ANKMY1: variants seen among roughly 807,000 people sequenced by gnomAD.
ANKMY1 encodes the protein ankyrin repeat and MYND domain containing 1.
Under a neutral mutation model 102.0 loss-of-function variants are expected in ANKMY1, and 98 were observed. The ratio of observed to expected loss-of-function variants is 0.96; its 90% confidence interval spans 0.82 to 1.14. The LOEUF is 1.14. Ranked by LOEUF, ANKMY1 falls within the 50% of genes most tolerant of loss-of-function variation. ANKMY1 has a pLI of 0.00. For synonymous variants in ANKMY1, 582 were observed against 559.9 expected (o/e 1.04, Z -0.56); for missense variants, 1,330 against 1,347.6 (o/e 0.99, Z 0.20).
At chr2:240,515,024 A>G (rs2152264679) in intron 9 of ANKMY1, among the ~76,000 whole-genome samples, 1 of 152,386 alleles carries the variant, frequency 6.6e-6, no homozygotes, top group East Asian at 1.9e-4. Context: ...TGTGAGACAC[A>G]GGGCCAGAAA....
chr2:240,530,222 G>C (rs1012004788), intron 4 of ANKMY1, among the ~76,000 whole-genome samples: 2 of 152,214 alleles, frequency 1.3e-5, no homozygotes, highest in Non-Finnish European at 2.9e-5. Flanking sequence ...AGCACAGTCA[G>C]GGGCCTGCTG....
Position 240,520,153 on chromosome 2 carries a change from G to T in ANKMY1, c.2004+209C>A. 1.2e-6 allele frequency: 1 copy of T among 814,204 alleles called. No homozygotes were observed. Among genetic ancestry groups the T allele is most frequent in the Non-Finnish European group, 2.1e-6 (1 of 475,658 alleles). 50.4% of individuals were successfully genotyped at this position (814,204 alleles called of 1,614,324 possible). A position where few individuals can be genotyped will look rare whatever the true frequency, so the allele number is the denominator to read the frequency against. Reference sequence around the variant, plus strand: ...GGATCGTGAAGTACTCTAAAAACTAGCTCGGTGTCCAAATCCTGTCTGGGG... The same window carrying T: ...GGATCGTGAAGTACTCTAAAAACTATCTCGGTGTCCAAATCCTGTCTGGGG... On this transcript the variant is annotated intron_variant, in intron 9 of 17. Coordinates refer to ENST00000401804, the MANE Select transcript of ANKMY1 (RefSeq NM_001282771.3). The surrounding 1 kb of genome is among the most constrained non-coding windows in gnomAD (Gnocchi z 4.8).
intron 5 of ANKMY1, among the ~76,000 whole-genome samples, chr2:240,528,689 A>G (rs1443550713): frequency 6.7e-6 from 1 of 149,402 alleles, no homozygotes; most frequent in Non-Finnish European, 1.5e-5. Flanking sequence ...CCCCAGCCAC[A>G]TCCCCCCACC....
chr2:240,524,007 G>C lies in ANKMY1; in HGVS notation c.1710C>G (p.Leu570=). The part of the protein sequence containing the change: ...NVCVCDFSIE[L]SQAMLERSAQ... The stretch of plus-strand genomic sequence containing the variant: ...CGCTTCTCTCCAGCATGGCCTGCGA[G>C]AGCTCGATGGAGAAGTCGCACACAC... The change falls in exon 8 of 18, where the codon CTC becomes CTG. Residue 570 remains leucine, a synonymous_variant. Coordinates refer to ENST00000401804, the MANE Select transcript of ANKMY1 (RefSeq NM_001282771.3). The C allele has an allele frequency of 6.2e-7, 1 of 1,613,952 alleles. No individual in the cohort carries two copies. Among genetic ancestry groups the C allele is most frequent in the Non-Finnish European group, 8.5e-7 (1 of 1,180,040 alleles).
At chr2:240,513,085 G>A (rs966550350) in intron 9 of ANKMY1, 143 bp from the exon 10 acceptor site, 10 of 1,226,620 alleles carry the variant, frequency 8.2e-6, no homozygotes, top group Middle Eastern at 2.8e-4. Context: ...ACAACGTGCA[G>A]GCTACTGGTC....
At chr2:240,471,652 C>T in the ANKMY1 span, among the ~76,000 whole-genome samples, 4 of 152,056 alleles carry the variant, frequency 2.6e-5, no homozygotes, top group Non-Finnish European at 5.9e-5. Context: ...AACAGGGGAC[C>T]CCCTGCTTTT....
At position 240,552,953 on chromosome 2, in the gene ANKMY1, T is replaced by C; in HGVS notation, c.441A>G (p.Glu147=). The C allele has an allele frequency of 3.1e-6, 5 of 1,613,796 alleles. No homozygotes were observed. Among genetic ancestry groups the C allele is most frequent in the African/African-American group, 2.7e-5 (2 of 74,892 alleles). Residue 147 remains glutamate, a synonymous_variant, in exon 4 of 18, where the codon GAA becomes GAG. Coordinates refer to ENST00000401804, the MANE Select transcript of ANKMY1 (RefSeq NM_001282771.3). The part of the protein sequence containing the change: ...FTGTFYLSHR[E]GYGTMYMKTR... ...TCTTCATGTACATGGTGCCGTAGCC[T>C]TCTCGGTGGCTGAGGTAAAATGTGC... is the stretch of plus-strand genomic sequence containing the variant.
At position 240,529,423 on chromosome 2, in the gene ANKMY1, C is replaced by T. The variant is rs748028193; in HGVS notation, c.567G>A (p.Glu189=). Reference sequence around the variant, plus strand: ...TCTGGGTGCACAGCTTGATGAGCTGCTCTCGGAACCACAGCCCCACGTCCT... The same window carrying T: ...TCTGGGTGCACAGCTTGATGAGCTGTTCTCGGAACCACAGCCCCACGTCCT... ...GSQDVGLWFR[E]QLIKLCTQIP... The change falls in exon 5 of 18, where the codon GAG becomes GAA. Residue 189 remains glutamate (E), a synonymous_variant. Transcript: ENST00000401804. The surrounding 1 kb of genome is among the most constrained non-coding windows in gnomAD (Gnocchi z 4.2). 9 of 1,614,154 alleles carry T rather than the reference C, an allele frequency of 5.6e-6. No homozygotes were observed. The South Asian group carries it at 8.8e-5, about 16-fold the overall frequency.
upstream of ANKMY1, chr2:240,560,367 G>A: frequency 4.1e-6 from 1 of 246,166 alleles, no homozygotes; most frequent in South Asian, 1.4e-4. Flanking sequence ...ACAGACGCAA[G>A]CCCAGTGCCA....
chr2:240,539,323 G>A (rs965263541), intron 4 of ANKMY1, among the ~76,000 whole-genome samples: 5 of 151,572 alleles, frequency 3.3e-5, no homozygotes, highest in Admixed American at 2.6e-4. Flanking sequence ...ACTCCGGACC[G>A]GAGGAACGAG....
rs75451422 is a variant in ANKMY1, at chr2:240,488,008, G to C, written c.2807-5747C>G. Among the ~76,000 whole-genome samples, 1,244 of 152,160 alleles carry C rather than the reference G, an allele frequency of 8.2e-3. 12 individuals carry two copies. Among genetic ancestry groups the C allele is most frequent in the African/African-American group, 0.029 (1,190 of 41,500 alleles). On this transcript the variant is annotated intron_variant, in intron 15 of 17. Coordinates refer to ENST00000401804, the MANE Select transcript of ANKMY1 (RefSeq NM_001282771.3). ...ATCCCATTTGTCTATTTTTGGTTTT[G>C]TTGCCTGTGTATTTGAAGTCTTAGT... is the stretch of plus-strand genomic sequence containing the variant.
At chr2:240,539,421 G>T (rs145546601) in intron 4 of ANKMY1, among the ~76,000 whole-genome samples, 14 of 152,146 alleles carry the variant, frequency 9.2e-5, no homozygotes, top group Non-Finnish European at 4.4e-5. Context: ...CCATGAACCC[G>T]CCAGAAGGAA....
At position 240,499,961 on chromosome 2, in the gene ANKMY1, T is replaced by A. The variant is rs1460897465; in HGVS notation, c.2803A>T (p.Arg935Ter). ...WDPTWLYLCK[R>*]AELIPSHRMK... ...CAGAGCAGGGCCCACTGCTCACCTCTCTTGCACAGGTACAGCCACGTGGGG... is the reference window on the plus strand; with the variant it reads ...CAGAGCAGGGCCCACTGCTCACCTCACTTGCACAGGTACAGCCACGTGGGG... The change falls in exon 15 of 18, where the codon AGA becomes TGA. Residue 935 changes from arginine (R) to a stop codon, truncating the protein, a stop_gained. Coordinates refer to ENST00000401804, the MANE Select transcript of ANKMY1 (RefSeq NM_001282771.3). LOFTEE classifies it high-confidence loss of function. The surrounding 1 kb of genome is among the most constrained non-coding windows in gnomAD (Gnocchi z 4.2). The A allele has an allele frequency of 3.1e-6, 5 of 1,612,144 alleles. No homozygotes were observed. In the Admixed American group the frequency reaches 8.3e-5, roughly 27 times the overall value.
chr2:240,515,568 T>G (rs1313411406), intron 9 of ANKMY1, among the ~76,000 whole-genome samples: 2 of 152,128 alleles, frequency 1.3e-5, no homozygotes, highest in African/African-American at 4.8e-5. Context: ...TAAAAGGTTA[T>G]AAACGTTTTA....
chr2:240,534,777 T>C (rs1385540302), intron 4 of ANKMY1, among the ~76,000 whole-genome samples: 1 of 152,054 alleles, frequency 6.6e-6, no homozygotes, highest in African/African-American at 2.4e-5. Context: ...TTCTCAGTCA[T>C]CAATGGAATG....
chr2:240,529,360 G>T lies in ANKMY1; in HGVS notation c.630C>A (p.Phe210Leu), dbSNP rs1362857147. Residue 210 changes from phenylalanine to leucine, a missense_variant, in exon 5 of 18, where the codon TTC becomes TTA. Coordinates refer to ENST00000401804, the MANE Select transcript of ANKMY1 (RefSeq NM_001282771.3). The surrounding 1 kb of genome is among the most constrained non-coding windows in gnomAD (Gnocchi z 4.2). ...CAGGGCTGTGGGTGATGAAGCTGGAGAACTCAGGGTATCTGAGGAGGGAGA... is the reference window on the plus strand; with the variant it reads ...CAGGGCTGTGGGTGATGAAGCTGGATAACTCAGGGTATCTGAGGAGGGAGA... ...SGFSLLRYPE[F>L]SSFITHSPAR... 6.2e-7 allele frequency: 1 copy of T among 1,614,198 alleles called. No individual in the cohort carries two copies. The highest frequency in any genetic ancestry group is 1.3e-5 in the African/African-American group (1 of 75,048).
intron 4 of ANKMY1, among the ~76,000 whole-genome samples, chr2:240,545,976 C>T (rs571001910): frequency 1.3e-5 from 2 of 152,206 alleles, no homozygotes; most frequent in African/African-American, 4.8e-5. Flanking sequence ...TCTAGCAAGG[C>T]AGGCCAACAT....
Position 240,520,017 on chromosome 2 carries a change from C to T in ANKMY1, c.2004+345G>A, listed in dbSNP as rs942976676. On this transcript the variant is annotated intron_variant, in intron 9 of 17. Transcript: ENST00000401804. The surrounding 1 kb of genome is among the most constrained non-coding windows in gnomAD (Gnocchi z 4.8). ...CTGCCTGCGTCCTTGTGATGCTGAGCGTGGGTTGAAAGGAGGCCCGCCTCC... is the reference window on the plus strand; with the variant it reads ...CTGCCTGCGTCCTTGTGATGCTGAGTGTGGGTTGAAAGGAGGCCCGCCTCC... 71 of 516,934 alleles carry T rather than the reference C, an allele frequency of 1.4e-4. No individual in the cohort carries two copies. Among genetic ancestry groups the T allele is most frequent in the South Asian group, 2.9e-4 (19 of 64,732 alleles). The allele number at this position is 516,934 out of a possible 1,614,324, so 32.0% of individuals were successfully genotyped here. A position where few individuals can be genotyped will look rare whatever the true frequency, so the allele number is the denominator to read the frequency against.
chr2:240,511,995 G>A lies in ANKMY1; in HGVS notation c.2152C>T (p.Leu718=). The change falls in exon 11 of 18, where the codon CTG becomes TTG. Residue 718 remains leucine (L), a synonymous_variant. Coordinates refer to ENST00000401804, the MANE Select transcript of ANKMY1 (RefSeq NM_001282771.3). ...DDTYKPGKLD[L]LPSSLKLSNE... is the part of the protein sequence containing the mutation. Reference sequence around the variant, plus strand: ...CTGAGCTTCAGACTTGAGGGCAGCAGGTCCAGCTGTGTAAAACGGAGGGCT... The same window carrying A: ...CTGAGCTTCAGACTTGAGGGCAGCAAGTCCAGCTGTGTAAAACGGAGGGCT... 6.5e-7 allele frequency: 1 copy of A among 1,549,442 alleles called. No homozygotes were observed. Among genetic ancestry groups the A allele is most frequent in the Non-Finnish European group, 8.6e-7 (1 of 1,158,124 alleles).
Sources: allele counts gnomAD v4.1 joint callset (sites outside exome capture counted in the v4.1 genomes callset), GRCh38; gene constraint gnomAD v4.1.1; non-coding constraint Gnocchi (gnomAD v3.1); transcripts MANE v1.5; gene names NCBI Gene and HGNC (gene_info 2026-07-23, HGNC 2026-07-21).